CTNNAL1: variants seen among roughly 807,000 people sequenced by gnomAD.
CTNNAL1 encodes the protein alpha-catulin.
Under a neutral mutation model 93.6 loss-of-function variants are expected in CTNNAL1, and 69 were observed. That is an observed-to-expected ratio of 0.74 (90% CI 0.61 to 0.90). The LOEUF (loss-of-function observed/expected upper bound fraction) is 0.90. Ranked by LOEUF, CTNNAL1 falls within the 40% of genes least tolerant of loss-of-function variation. CTNNAL1 has a pLI of 0.00. For missense variants in CTNNAL1, 836 were observed against 862.0 expected, an observed-to-expected ratio of 0.97 and a Z score of 0.38; for synonymous variants, 286 against 305.4, an observed-to-expected ratio of 0.94 and a Z score of 0.66.
rs888488919 is a variant in CTNNAL1, at chr9:108,987,704, T to C, written c.639+3022A>G. Among the ~76,000 whole-genome samples the C allele has an allele frequency of 2.6e-5, 4 of 152,224 alleles. No homozygotes were observed. The South Asian group carries it at 6.2e-4, about 24-fold the overall frequency. On this transcript the variant is annotated intron_variant, in intron 4 of 18. Coordinates refer to ENST00000325551, the MANE Select transcript of CTNNAL1 (RefSeq NM_003798.4). ...TTTGTTTGTATCCTCTTTTATTTCATTGAGCAGTGGTTTGTAGTTCTCCTT... is the reference window on the plus strand; with the variant it reads ...TTTGTTTGTATCCTCTTTTATTTCACTGAGCAGTGGTTTGTAGTTCTCCTT...
chr9:108,973,739 T>C (rs1831185251), intron 8 of CTNNAL1, among the ~76,000 whole-genome samples: 1 of 151,978 alleles, frequency 6.6e-6, no homozygotes, highest in African/African-American at 2.4e-5. Flanking sequence ...AAATAGATCA[T>C]TTTTAATAAC....
At position 108,987,120 on chromosome 9, in the gene CTNNAL1, C is replaced by T. The variant is rs1312643638; in HGVS notation, c.640-2684G>A. On this transcript the variant is annotated intron_variant, in intron 4 of 18. Coordinates refer to ENST00000325551, the MANE Select transcript of CTNNAL1 (RefSeq NM_003798.4). ...TCCTTGCCCATGCCTATGTCCTGAACGGTAATGCCTAGGTTTTCTTCTAGG... is the reference window on the plus strand; with the variant it reads ...TCCTTGCCCATGCCTATGTCCTGAATGGTAATGCCTAGGTTTTCTTCTAGG... Among the ~76,000 whole-genome samples the T allele has an allele frequency of 2.4e-3, 362 of 152,014 alleles. 1 individual carries two copies. Among genetic ancestry groups the T allele is most frequent in the Middle Eastern group, 0.014 (4 of 294 alleles).
At chr9:108,996,336 C>T (rs772102168) in intron 2 of CTNNAL1, among the ~76,000 whole-genome samples, 4 of 152,108 alleles carry the variant, frequency 2.6e-5, no homozygotes, top group African/African-American at 7.2e-5. Flanking sequence ...GAAAATGATT[C>T]GTAGGGGTTG....
intron 4 of CTNNAL1, among the ~76,000 whole-genome samples, chr9:108,987,597 T>C (rs1209826889): frequency 6.6e-6 from 1 of 152,032 alleles, no homozygotes; most frequent in Non-Finnish European, 1.5e-5. Flanking sequence ...GGGATGGCAT[T>C]GAATCTATAA....
chr9:109,002,821 TAAA>T (rs78555162), intron 1 of CTNNAL1, among the ~76,000 whole-genome samples: 2 of 124,884 alleles, frequency 1.6e-5, no homozygotes. Context: ...CCATCTCCAC[TAAA>T]AAAAAAAAAA....
At chr9:108,953,270 C>G (rs1038831505) in intron 12 of CTNNAL1, among the ~76,000 whole-genome samples, 2 of 152,174 alleles carry the variant, frequency 1.3e-5, no homozygotes, top group Non-Finnish European at 2.9e-5. Context: ...CACACCACCA[C>G]CAATAGCAAC....
At chr9:108,947,761 T>C (rs767900768) in intron 15 of CTNNAL1, among the ~76,000 whole-genome samples, 1 of 152,206 alleles carries the variant, frequency 6.6e-6, no homozygotes, top group Non-Finnish European at 1.5e-5. Flanking sequence ...TAATACCCTC[T>C]AATAGTCTTA....
intron 14 of CTNNAL1, among the ~76,000 whole-genome samples, chr9:108,949,337 C>T (rs1387634476): frequency 1.3e-5 from 2 of 152,264 alleles, no homozygotes; most frequent in East Asian, 3.9e-4. Context: ...AATTCTGACA[C>T]TGAAACAAAA....
At chr9:108,970,939 G>C (rs1468301813) in intron 9 of CTNNAL1, among the ~76,000 whole-genome samples, 1 of 152,120 alleles carries the variant, frequency 6.6e-6, no homozygotes, top group Non-Finnish European at 1.5e-5. Context: ...GCTAACATTG[G>C]ATTAGGCAGA....
intron 10 of CTNNAL1, among the ~76,000 whole-genome samples, chr9:108,966,393 C>G (rs1830953752): frequency 6.6e-6 from 1 of 152,184 alleles, no homozygotes; most frequent in Non-Finnish European, 1.5e-5. Flanking sequence ...ATTACATTTC[C>G]CAGCCTCCCT....
At chr9:108,964,498 C>T (rs771279589) in intron 11 of CTNNAL1, among the ~76,000 whole-genome samples, 5 of 152,028 alleles carry the variant, frequency 3.3e-5, no homozygotes, top group Non-Finnish European at 5.9e-5. Flanking sequence ...AACTTCCACT[C>T]GGTATTAAAA....
intron 11 of CTNNAL1, among the ~76,000 whole-genome samples, chr9:108,960,966 G>C (rs1157428943): frequency 2.0e-5 from 3 of 152,170 alleles, no homozygotes; most frequent in Admixed American, 6.5e-5. Context: ...CTGGGGTTAA[G>C]GTGGACAATG....
intron 10 of CTNNAL1, among the ~76,000 whole-genome samples, chr9:108,967,975 A>C (rs1334319116): frequency 1.3e-5 from 2 of 152,166 alleles, no homozygotes; most frequent in African/African-American, 2.4e-5. Flanking sequence ...GGTACCTTTG[A>C]ATGAATTACA....
intron 10 of CTNNAL1, among the ~76,000 whole-genome samples, chr9:108,968,793 T>C: frequency 6.6e-6 from 1 of 152,180 alleles, no homozygotes; most frequent in Non-Finnish European, 1.5e-5. Flanking sequence ...TGCACTGTTC[T>C]CAGCTATAAA....
At chr9:108,955,769 G>A in intron 12 of CTNNAL1, 21 bp downstream of exon 12, 2 of 1,590,024 alleles carry the variant, frequency 1.3e-6, no homozygotes, top group Non-Finnish European at 1.7e-6. Flanking sequence ...ATTCTGCAAT[G>A]TACATAATTC....
rs1368545095 is a variant in CTNNAL1, at chr9:108,983,215, G to A, written c.830C>T (p.Thr277Ile). ...AGTCTCTCCATTCGGTTTACAGTCA[G>A]TCACAATTTCAATGACCTTATCCAA... is the stretch of plus-strand genomic sequence containing the variant. The part of the protein sequence containing the change: ...VALDKVIEIV[T>I]DCKPNGETDI... Residue 277 changes from threonine to isoleucine, a missense_variant, in exon 6 of 19, where the codon ACT (threonine) becomes ATT (isoleucine). Transcript: ENST00000325551. 3 of 1,593,074 alleles carry A rather than the reference G, an allele frequency of 1.9e-6. No homozygotes were observed. The highest frequency in any genetic ancestry group is 1.4e-5 in the African/African-American group (1 of 73,944).
At chr9:108,973,921 A>G (rs1477869074) in intron 8 of CTNNAL1, among the ~76,000 whole-genome samples, 1 of 152,190 alleles carries the variant, frequency 6.6e-6, no homozygotes, top group Non-Finnish European at 1.5e-5. Context: ...TTAGAAACAA[A>G]GAAACTAAAA....
chr9:109,012,825 G>C (rs1055380050), intron 1 of CTNNAL1, among the ~76,000 whole-genome samples: 1 of 152,214 alleles, frequency 6.6e-6, no homozygotes, highest in African/African-American at 2.4e-5. Flanking sequence ...GGGAGGCCGG[G>C]AGGAATACCC....
chr9:108,950,441 C>T, intron 14 of CTNNAL1: 5 of 1,506,870 alleles, frequency 3.3e-6, no homozygotes, highest in Non-Finnish European at 3.6e-6. Context: ...TGATAAGGTA[C>T]TGACAAATGA....
Sources: gnomAD v4.1 joint callset for allele counts (sites outside exome capture counted in the v4.1 genomes callset) on GRCh38, gnomAD v4.1.1 for gene constraint, MANE v1.5 for transcripts, NCBI Gene and HGNC (gene_info 2026-07-23, HGNC 2026-07-21) for gene names.